The following NAPEPLD variants were observed in gnomAD, a reference collection of about 807,000 sequenced individuals.
NAPEPLD encodes N-acyl-phosphatidylethanolamine-hydrolyzing phospholipase D.
A neutral mutation model predicts 38.1 loss-of-function variants in NAPEPLD; 23 were observed. The ratio of observed to expected loss-of-function variants is 0.60; its 90% CI spans 0.43 to 0.86. NAPEPLD has a LOEUF of 0.86. Ranked by LOEUF, NAPEPLD falls within the 40% of genes least tolerant of loss-of-function variation. The pLI is 0.00. For missense variants in NAPEPLD, 411 were observed against 476.8 expected (o/e 0.86, Z 1.28); for synonymous variants, 147 against 162.0 (o/e 0.91, Z 0.71).
rs1042623413 is a variant in NAPEPLD at position 103,102,318 on chromosome 7, C to T, written c.*1111G>A. The T allele has an allele frequency of 1.1e-4, 17 of 152,094 alleles. No individual in the cohort carries two copies. Among genetic ancestry groups the T allele is most frequent in the Admixed American group, 2.0e-4 (3 of 15,258 alleles). 9.4% of individuals were successfully genotyped at this position (152,094 alleles called of 1,614,324 possible). ...CATATTCTCATAGCCACACTCCTTC[C>T]CTTCCTCTGCTCAGCTAAGGAGAGG... is the stretch of plus-strand genomic sequence containing the variant. On this transcript the variant is annotated 3_prime_UTR_variant, in exon 5 of 5. Transcript: ENST00000465647.
intron 1 of NAPEPLD, among the ~76,000 whole-genome samples, chr7:103,137,815 C>CAAAAAAAAAAAAAA (rs79429621): frequency 1.9e-5 from 2 of 107,534 alleles, no homozygotes; most frequent in Admixed American, 9.8e-5. Context: ...GATGCTGTCT[C>CAAAAAAAAAAAAAA]AAAAAAAAAA....
chr7:103,132,279 C>T (rs1809109359), intron 1 of NAPEPLD, among the ~76,000 whole-genome samples: 1 of 152,194 alleles, frequency 6.6e-6, no homozygotes. Flanking sequence ...TTATAATCCC[C>T]ACTTTTTAAT....
intron 2 of NAPEPLD, among the ~76,000 whole-genome samples, chr7:103,121,407 C>G (rs1470577005): frequency 6.6e-6 from 1 of 152,136 alleles, no homozygotes; most frequent in African/African-American, 2.4e-5. Flanking sequence ...TCATGAAACT[C>G]ACCATGTATG....
chr7:103,147,876 A>G (rs976323353), intron 1 of NAPEPLD: 10 of 651,376 alleles, frequency 1.5e-5, no homozygotes, highest in Non-Finnish European at 1.9e-5. Flanking sequence ...ATCTCTGAAA[A>G]TCCTGACTAT....
chr7:103,103,966 CA>C (rs1802798688), intron 4 of NAPEPLD, among the ~76,000 whole-genome samples: 2 of 151,774 alleles, frequency 1.3e-5, no homozygotes, highest in Admixed American at 6.6e-5. Context: ...TGTGTGTAAC[CA>C]AATGCTAGAG....
At chr7:103,131,826 TAC>T (rs1214123844) in intron 1 of NAPEPLD, among the ~76,000 whole-genome samples, 1 of 152,124 alleles carries the variant, frequency 6.6e-6, no homozygotes, top group African/African-American at 2.4e-5. Context: ...AAAGGCTGTG[TAC>T]TTAAGGGCTG....
chr7:103,143,220 T>A (rs1370415157), intron 1 of NAPEPLD, among the ~76,000 whole-genome samples: 1 of 151,974 alleles, frequency 6.6e-6, no homozygotes, highest in Non-Finnish European at 1.5e-5. Flanking sequence ...GAGCAAGAGC[T>A]TGTCTAAGAA....
rs117586842 is a variant in NAPEPLD at position 103,106,325 on chromosome 7, G to A, written c.1057-2771C>T. ...AGCACAAAACTGGGCGGCAATTTGG[G>A]CAGACACCAAACTAGCTGCGGGAGC... is the stretch of plus-strand genomic sequence containing the variant. On this transcript the variant is annotated intron_variant, in intron 4 of 4. Coordinates refer to ENST00000465647, the MANE Select transcript of NAPEPLD (RefSeq NM_001122838.3). Among the ~76,000 whole-genome samples the A allele has an allele frequency of 8.4e-3, 1,281 of 151,930 alleles. 8 individuals are homozygous for A. Among genetic ancestry groups the A allele is most frequent in the Non-Finnish European group, 0.015 (997 of 67,956 alleles).
At chr7:103,107,205 A>G (rs1360650600) in intron 4 of NAPEPLD, among the ~76,000 whole-genome samples, 1 of 152,196 alleles carries the variant, frequency 6.6e-6, no homozygotes, top group Non-Finnish European at 1.5e-5. Flanking sequence ...TAGTATCAGC[A>G]TCAACAAAAA....
At chr7:103,115,751 T>A (rs868389322) in intron 3 of NAPEPLD, among the ~76,000 whole-genome samples, 23 of 152,336 alleles carry the variant, frequency 1.5e-4, no homozygotes, top group African/African-American at 5.3e-4. Context: ...AGGCAGTAAG[T>A]GCACTCAGAG....
intron 3 of NAPEPLD, among the ~76,000 whole-genome samples, chr7:103,118,920 A>G (rs957427316): frequency 8.5e-5 from 13 of 152,208 alleles, no homozygotes; most frequent in African/African-American, 3.1e-4. Context: ...CCATGACCAG[A>G]TTAACTTCAG....
intron 1 of NAPEPLD, among the ~76,000 whole-genome samples, chr7:103,131,903 C>T (rs542597638): frequency 6.6e-6 from 1 of 152,058 alleles, no homozygotes; most frequent in African/African-American, 2.4e-5. Context: ...ATCACGAGGT[C>T]AGGAGTTCGA....
chr7:103,120,012 G>C lies in NAPEPLD; in HGVS notation c.506C>G (p.Pro169Arg). ...YMGPKRFRRS[P>R]CTISELPPID... ...TGGAGGGAGTTCACTTATTGTGCAC[G>C]GGGAACGACGAAATCGCTTTGGACC... Residue 169 changes from proline to arginine, a missense_variant, in exon 3 of 5, where the codon CCG becomes CGG. Transcript: ENST00000465647. 1 of 1,614,186 alleles carries C rather than the reference G, an allele frequency of 6.2e-7. No homozygotes were observed. Among genetic ancestry groups the C allele is most frequent in the Non-Finnish European group, 8.5e-7 (1 of 1,180,034 alleles).
In NAPEPLD at chr7:103,149,010, G is replaced by A. The variant is rs1302025362; in HGVS notation, c.-216C>T. The A allele has an allele frequency of 6.1e-6, 6 of 985,338 alleles. No individual in the cohort carries two copies. The highest frequency in any genetic ancestry group is 1.2e-6 in the Non-Finnish European group (1 of 829,962). 61.0% of individuals were successfully genotyped at this position (985,338 alleles called of 1,614,324 possible). On this transcript the variant is annotated 5_prime_UTR_variant, in exon 1 of 5. Coordinates refer to ENST00000465647, the MANE Select transcript of NAPEPLD (RefSeq NM_001122838.3). ...TGTCGCTCACAAGTGCGGCATCTCC[G>A]AGATGAGGGAGGGCTCGGGGACGGG... is the stretch of plus-strand genomic sequence containing the variant.
chr7:103,138,251 GCTTCCAAAATGGGACTA>G (rs780812901), intron 1 of NAPEPLD, among the ~76,000 whole-genome samples: 4,162 of 152,080 alleles, frequency 0.027, 98 homozygotes, highest in Non-Finnish European at 0.036. Context: ...CCAAAAAAAA[GCTTCCAAAATGGGACTA>G]CTTTCTCTCT....
At position 103,100,251 on chromosome 7, in the gene NAPEPLD, A is replaced by G. The variant is rs1002865567; in HGVS notation, c.*3178T>C. 5.9e-5 allele frequency: 9 copies of G among 152,138 alleles called. No individual in the cohort carries two copies. Among genetic ancestry groups the G allele is most frequent in the Non-Finnish European group, 8.8e-5 (6 of 68,028 alleles). The allele number at this position is 152,138 out of a possible 1,614,324, so 9.4% of individuals were successfully genotyped here. On this transcript the variant is annotated 3_prime_UTR_variant, in exon 5 of 5. Coordinates refer to ENST00000465647, the MANE Select transcript of NAPEPLD (RefSeq NM_001122838.3). Reference sequence around the variant, plus strand: ...TCTTTATAACGGTTTTTTCAAATCTACCTCCCTATTTAATGAAAGCATATT... The same window carrying G: ...TCTTTATAACGGTTTTTTCAAATCTGCCTCCCTATTTAATGAAAGCATATT...
chr7:103,113,691 C>T (rs1431043975), intron 4 of NAPEPLD, among the ~76,000 whole-genome samples: 2 of 141,840 alleles, frequency 1.4e-5, no homozygotes, highest in Non-Finnish European at 3.0e-5. Context: ...AAGGAAGTGC[C>T]GTAATCTCGG....
At chr7:103,104,513 G>A (rs1216705828) in intron 4 of NAPEPLD, among the ~76,000 whole-genome samples, 2 of 152,178 alleles carry the variant, frequency 1.3e-5, no homozygotes, top group Non-Finnish European at 2.9e-5. Context: ...TAAATGCACA[G>A]GTTTGGTAAC....
intron 4 of NAPEPLD, among the ~76,000 whole-genome samples, chr7:103,111,933 A>G (rs1417754514): frequency 6.6e-6 from 1 of 152,216 alleles, no homozygotes; most frequent in African/African-American, 2.4e-5. Context: ...CCCATCAAAA[A>G]GTGGGCAAAG....
Sources: gnomAD v4.1 joint callset for allele counts (sites outside exome capture counted in the v4.1 genomes callset) on GRCh38, gnomAD v4.1.1 for gene constraint, MANE v1.5 for transcripts, NCBI Gene and HGNC (gene_info 2026-07-23, HGNC 2026-07-21) for gene names.